The following NEK10 variants were observed in gnomAD, a reference collection of about 807,000 sequenced individuals.
The protein encoded by NEK10 is NIMA related kinase 10.
A neutral mutation model predicts 159.8 loss-of-function variants in NEK10; 122 were observed. The observed-to-expected ratio is 0.76, with a 90% CI of 0.66 to 0.89. The LOEUF is 0.89. Among genes scored for constraint, NEK10 ranks in the 40% least tolerant of loss-of-function variants. NEK10 has a pLI of 0.00. For synonymous variants in NEK10, 466 were observed against 457.1 expected (o/e 1.02, Z -0.25); for missense variants, 1,342 against 1,323.1 (o/e 1.01, Z -0.22).
At chr3:27,300,322 C>G (rs993809631) in intron 13 of NEK10, among the ~76,000 whole-genome samples, 3 of 152,062 alleles carry the variant, frequency 2.0e-5, no homozygotes. Context: ...CACAAGCCCT[C>G]TCTTGCCTGC....
chr3:27,215,492 C>T, intron 23 of NEK10: 1 of 414,424 alleles, frequency 2.4e-6, no homozygotes, highest in Non-Finnish European at 4.2e-6. Context: ...AAATGCAATA[C>T]ATTTTTAAAA....
At chr3:27,177,558 AT>A (rs1394625825) in intron 26 of NEK10, among the ~76,000 whole-genome samples, 29 of 71,866 alleles carry the variant, frequency 4.0e-4, no homozygotes, top group South Asian at 3.5e-3. Context: ...AAAAAAAAAT[AT>A]ATATATATTT....
In NEK10 at chr3:27,364,348, TTG is replaced by T. The variant is rs4016621; in HGVS notation, c.-38+4875_-38+4876del. Among the ~76,000 whole-genome samples, 956 of 120,588 alleles carry T rather than the reference TTG, an allele frequency of 7.9e-3. 9 individuals are homozygous for T. Among genetic ancestry groups the T allele is most frequent in the South Asian group, 0.016 (46 of 2,956 alleles). 79.1% of individuals were successfully genotyped at this position (120,588 alleles called of 152,430 possible). A position where few individuals can be genotyped will look rare whatever the true frequency, so the allele number is the denominator to read the frequency against. ...GGCGCCCACCACCATGCCTGGCTAA[TTG>T]TGTGTGTGTGTGTGTGTGTGTGTGT... On this transcript the variant is annotated intron_variant, in intron 1 of 35. Coordinates refer to ENST00000691995, the MANE Select transcript of NEK10 (RefSeq NM_001394966.1).
intron 23 of NEK10, among the ~76,000 whole-genome samples, chr3:27,230,888 C>T (rs1953179146): frequency 1.3e-5 from 2 of 151,792 alleles, no homozygotes; most frequent in Non-Finnish European, 3.0e-5. Context: ...CTACCAGACT[C>T]AAAAAATGAG....
At chr3:27,312,290 T>A (rs1320831954) in intron 7 of NEK10, 113 bp from the exon 8 acceptor site, 6 of 559,724 alleles carry the variant, frequency 1.1e-5, no homozygotes, top group Non-Finnish European at 3.1e-6. Context: ...AACAGATTCA[T>A]CAAATAATAC....
At chr3:27,267,296 T>C (rs989124778) in intron 22 of NEK10, among the ~76,000 whole-genome samples, 2 of 152,198 alleles carry the variant, frequency 1.3e-5, no homozygotes, top group Non-Finnish European at 1.5e-5. Context: ...ATTTGCTCCT[T>C]CTTTGTATAG....
intron 16 of NEK10, among the ~76,000 whole-genome samples, chr3:27,292,767 CAAAAAAA>C (rs35773318): frequency 2.3e-5 from 2 of 88,414 alleles, no homozygotes; most frequent in African/African-American, 6.3e-5. Context: ...GAGCCTTTGT[CAAAAAAA>C]AAAAAAAAAA....
chr3:27,218,878 C>T (rs1951818876), intron 23 of NEK10, among the ~76,000 whole-genome samples: 1 of 152,152 alleles, frequency 6.6e-6, no homozygotes, highest in African/African-American at 2.4e-5. Flanking sequence ...CTGCACAATT[C>T]TCAGGTAACA....
At chr3:27,214,044 A>G (rs1279611792) in intron 23 of NEK10, among the ~76,000 whole-genome samples, 1 of 152,232 alleles carries the variant, frequency 6.6e-6, no homozygotes, top group Non-Finnish European at 1.5e-5. Context: ...CTTGGTCTCC[A>G]CAATCCCATA....
At chr3:27,165,633 A>T (rs1383346670) in intron 29 of NEK10, among the ~76,000 whole-genome samples, 2 of 152,210 alleles carry the variant, frequency 1.3e-5, no homozygotes, top group Non-Finnish European at 1.5e-5. Flanking sequence ...AGGCTGAAAG[A>T]ATTCTAAAAG....
At position 27,110,953 on chromosome 3, in the gene NEK10, AAG is replaced by A; in HGVS notation, c.*317_*318del. On this transcript the variant is annotated 3_prime_UTR_variant, in exon 36 of 36. Coordinates refer to ENST00000691995, the MANE Select transcript of NEK10 (RefSeq NM_001394966.1). Reference sequence around the variant, plus strand: ...TTTTTAATGTTAAGGAAAATTCTGTAAGAGAGTTTTTTTGTTGTTGTTTTTGG... The same window carrying A: ...TTTTTAATGTTAAGGAAAATTCTGTAAGAGTTTTTTTGTTGTTGTTTTTGG... The A allele has an allele frequency of 4.3e-6, 1 of 230,264 alleles. No homozygotes were observed. The allele number at this position is 230,264 out of a possible 1,614,324, so 14.3% of individuals were successfully genotyped here.
At chr3:27,281,417 A>G (rs1465881705) in intron 22 of NEK10, among the ~76,000 whole-genome samples, 1 of 152,060 alleles carries the variant, frequency 6.6e-6, no homozygotes, top group Non-Finnish European at 1.5e-5. Flanking sequence ...GAAATTTTCC[A>G]GAGTGATAAA....
intron 23 of NEK10, among the ~76,000 whole-genome samples, chr3:27,228,108 T>C (rs1489060873): frequency 6.6e-6 from 1 of 152,232 alleles, no homozygotes; most frequent in Non-Finnish European, 1.5e-5. Flanking sequence ...CTGGATATTC[T>C]ACATATTAAT....
intron 26 of NEK10, among the ~76,000 whole-genome samples, chr3:27,186,320 G>C (rs1948617679): frequency 6.6e-6 from 1 of 152,206 alleles, no homozygotes; most frequent in South Asian, 2.1e-4. Context: ...GAGATTTATA[G>C]ACCCAGGAGA....
chr3:27,141,601 G>T lies in NEK10; in HGVS notation c.2870-19C>A. ...GCTGATGCTGTGGGTGATAAATTTT[G>T]TAGTTAGTCAAGTTCTCTTTCAAAA... On this transcript the variant is annotated intron_variant, in intron 30 of 35. Transcript: ENST00000691995. 2 of 1,585,000 alleles carry T rather than the reference G, an allele frequency of 1.3e-6. No individual in the cohort carries two copies. Among genetic ancestry groups the T allele is most frequent in the South Asian group, 1.1e-5 (1 of 87,902 alleles).
chr3:27,256,413 C>T (rs1553605230), intron 22 of NEK10, 42 bp from the exon 23 acceptor site: 5 of 1,244,790 alleles, frequency 4.0e-6, no homozygotes, highest in South Asian at 1.5e-5. Context: ...TATATTTTCC[C>T]AGAGTTATCA....
chr3:27,192,459 T>C (rs1410648274), intron 25 of NEK10, among the ~76,000 whole-genome samples: 1 of 152,156 alleles, frequency 6.6e-6, no homozygotes, highest in Non-Finnish European at 1.5e-5. Flanking sequence ...GTTATTCTCT[T>C]TGCACTTGGG....
chr3:27,212,474 G>C (rs1951092064), intron 23 of NEK10, among the ~76,000 whole-genome samples: 1 of 152,164 alleles, frequency 6.6e-6, no homozygotes, highest in African/African-American at 2.4e-5. Flanking sequence ...CAATGGCCAT[G>C]GCCTTCGACA....
chr3:27,319,572 G>A (rs1234771405), intron 6 of NEK10, among the ~76,000 whole-genome samples: 3 of 152,200 alleles, frequency 2.0e-5, no homozygotes, highest in African/African-American at 4.8e-5. Context: ...ACTGGATTCA[G>A]GAGACAGCCT....
Sources: gnomAD v4.1 joint callset for allele counts (sites outside exome capture counted in the v4.1 genomes callset) on GRCh38, gnomAD v4.1.1 for gene constraint, MANE v1.5 for transcripts, NCBI Gene and HGNC (gene_info 2026-07-23, HGNC 2026-07-21) for gene names.